IFITM10: variants seen among roughly 807,000 people sequenced by gnomAD.
The protein encoded by IFITM10 is interferon induced transmembrane protein 10, also known as interferon-induced transmembrane protein 10.
In IFITM10, 17 loss-of-function variants were observed where a neutral mutation model predicts 19.0. That is an observed-to-expected ratio of 0.90 (90% CI 0.61 to 1.34). The LOEUF (loss-of-function observed/expected upper bound fraction) is 1.34. Among genes scored for constraint, IFITM10 ranks in the 40% most tolerant of loss-of-function variants. The pLI is 0.00. For missense variants in IFITM10, 306 were observed against 319.8 expected (o/e 0.96, Z 0.33); for synonymous variants, 148 against 147.2 (o/e 1.01, Z -0.04).
intron 2 of IFITM10, among the ~76,000 whole-genome samples, chr11:1,736,160 G>GGAAGGGAAGGA (rs1240979124): frequency 1.6e-4 from 25 of 152,218 alleles, no homozygotes; most frequent in African/African-American, 6.0e-4. Context: ...TCTAGGATGA[G>GGAAGGGAAGGA]GAAGGGAAGG....
intron 2 of IFITM10, among the ~76,000 whole-genome samples, chr11:1,738,380 C>T (rs886526682): frequency 2.0e-5 from 3 of 152,084 alleles, no homozygotes; most frequent in Admixed American, 2.0e-4. Context: ...GCTTTCCTGC[C>T]ATTGTGAAGT....
chr11:1,737,543 G>A (rs1017691487), intron 2 of IFITM10, among the ~76,000 whole-genome samples: 23 of 152,164 alleles, frequency 1.5e-4, no homozygotes, highest in Non-Finnish European at 2.5e-4. Context: ...TGACGACAGC[G>A]CTGCCTCCCA....
chr11:1,740,171 G>T (rs1163382382), intron 2 of IFITM10, among the ~76,000 whole-genome samples: 2 of 151,886 alleles, frequency 1.3e-5, no homozygotes, highest in East Asian at 3.9e-4. Flanking sequence ...GTGGTAGTGT[G>T]TACCTGTAAT....
At chr11:1,750,241 A>G (rs1286216972) in intron 1 of IFITM10, 118 bp downstream of exon 1, 1 of 1,518,288 alleles carries the variant, frequency 6.6e-7, no homozygotes, top group Non-Finnish European at 8.9e-7. Flanking sequence ...CTGATCTTCC[A>G]TCCCCATAAC....
At chr11:1,740,182 C>T (rs367579538) in intron 2 of IFITM10, among the ~76,000 whole-genome samples, 5 of 151,468 alleles carry the variant, frequency 3.3e-5, no homozygotes, top group African/African-American at 9.7e-5. Context: ...TACCTGTAAT[C>T]CCAGCTACTC....
At position 1,748,006 on chromosome 11, in the gene IFITM10, C is replaced by A; in HGVS notation, c.198G>T (p.Pro66=). The change falls in exon 2 of 3, where the codon CCG becomes CCT. Residue 66 remains proline, a synonymous_variant. Transcript: ENST00000340134. ...CGAAGCAGCCCTTGGGCGAACCTGCCGGGGGCCTCGGAATCCAGAAGGCCC... is the reference window on the plus strand; with the variant it reads ...CGAAGCAGCCCTTGGGCGAACCTGCAGGGGGCCTCGGAATCCAGAAGGCCC... ...LDGAFWIPRP[P]AGSPKGCFAC... The A allele has an allele frequency of 7.0e-7, 1 of 1,436,644 alleles. No individual in the cohort carries two copies. Among genetic ancestry groups the A allele is most frequent in the Non-Finnish European group, 9.1e-7 (1 of 1,097,610 alleles). The allele number at this position is 1,436,644 out of a possible 1,614,324, so 89.0% of individuals were successfully genotyped here.
rs3047260 is a variant in IFITM10, at chr11:1,745,922, AC to A, written c.537+1744del. 6 of 139,656 alleles carry A rather than the reference AC, an allele frequency of 4.3e-5. No individual in the cohort carries two copies. In the East Asian group the frequency reaches 6.5e-4, roughly 15 times the overall value. The allele number at this position is 139,656 out of a possible 1,614,324, so 8.7% of individuals were successfully genotyped here. A position where few individuals can be genotyped will look rare whatever the true frequency, so the allele number is the denominator to read the frequency against. On this transcript the variant is annotated intron_variant, in intron 2 of 2. Coordinates refer to ENST00000340134, the MANE Select transcript of IFITM10 (RefSeq NM_001170820.4). ...GTACATACAGACAGTACACAGGCAC[AC>A]CCCACACACACTTGTGCACACACAT... is the stretch of plus-strand genomic sequence containing the variant.
Position 1,748,002 on chromosome 11 carries a change from C to A in IFITM10, c.202G>T (p.Gly68Cys). 1 of 1,439,322 alleles carries A rather than the reference C, an allele frequency of 6.9e-7. No individual in the cohort carries two copies. 89.2% of individuals were successfully genotyped at this position (1,439,322 alleles called of 1,614,324 possible). Residue 68 changes from glycine (G) to cysteine (C), a missense_variant, in exon 2 of 3, where the codon GGT (glycine) becomes TGT (cysteine). By Grantham distance (159) the Gly-to-Cys change is radical. Coordinates refer to ENST00000340134, the MANE Select transcript of IFITM10 (RefSeq NM_001170820.4). ...CAAGCGAAGCAGCCCTTGGGCGAAC[C>A]TGCCGGGGGCCTCGGAATCCAGAAG... ...GAFWIPRPPA[G>C]SPKGCFACVS...
In IFITM10 at chr11:1,732,798, A is replaced by T. The variant is rs1352319938; in HGVS notation, c.*2482T>A. On this transcript the variant is annotated 3_prime_UTR_variant, in exon 3 of 3. Transcript: ENST00000340134. ...GGAAGGTGACCGTTCCATTTCCCCA[A>T]CATGAACTCAGAAAGCTTCAGCCAG... The T allele has an allele frequency of 6.6e-6, 1 of 152,182 alleles. No homozygotes were observed. Among genetic ancestry groups the T allele is most frequent in the Non-Finnish European group, 1.5e-5 (1 of 68,026 alleles). The allele number at this position is 152,182 out of a possible 1,614,324, so 9.4% of individuals were successfully genotyped here. A position where few individuals can be genotyped will look rare whatever the true frequency, so the allele number is the denominator to read the frequency against.
At chr11:1,750,193 CCACCACATCCTCACTCT>C (rs1420256212) in intron 1 of IFITM10, 149 bp downstream of exon 1, 2 of 750,760 alleles carry the variant, frequency 2.7e-6, no homozygotes, top group Admixed American at 6.3e-5. Flanking sequence ...CTCCGCTACC[CCACCACATCCTCACTCT>C]CACGGTATGC....
At position 1,750,398 on chromosome 11, in the gene IFITM10, C is replaced by T; in HGVS notation, c.45G>A (p.Arg15=). 1 of 1,550,512 alleles carries T rather than the reference C, an allele frequency of 6.4e-7. No individual in the cohort carries two copies. Among genetic ancestry groups the T allele is most frequent in the South Asian group, 1.2e-5 (1 of 84,060 alleles). ...GAGCCTCGACCCTCTCCAAAGTCCC[C>T]CGGAAGCTGAGGATGCATGGCGGCC... The part of the protein sequence containing the change: ...KRGPPCILSF[R]GTLERVEAQW... The change falls in exon 1 of 3, where the codon CGG becomes CGA. Residue 15 remains arginine (R), a synonymous_variant. Coordinates refer to ENST00000340134, the MANE Select transcript of IFITM10 (RefSeq NM_001170820.4).
chr11:1,750,033 G>A (rs1222803639), intron 1 of IFITM10, among the ~76,000 whole-genome samples: 2 of 152,066 alleles, frequency 1.3e-5, no homozygotes, highest in African/African-American at 4.8e-5. Context: ...GGCTGCTAAG[G>A]ACACTTGTCT....
In IFITM10 at chr11:1,748,456, A is replaced by G. The variant is rs566670556; in HGVS notation, c.85-337T>C. ...GTTGCAAAACACAGAGTGCCCCAGCACCCCAAACAACCCCGCACACACGGG... is the reference window on the plus strand; with the variant it reads ...GTTGCAAAACACAGAGTGCCCCAGCGCCCCAAACAACCCCGCACACACGGG... On this transcript the variant is annotated intron_variant, in intron 1 of 2. Coordinates refer to ENST00000340134, the MANE Select transcript of IFITM10 (RefSeq NM_001170820.4). The G allele has an allele frequency of 5.7e-5, 17 of 296,390 alleles. No individual in the cohort carries two copies. The Admixed American group carries it at 7.3e-4, about 13-fold the overall frequency. The allele number at this position is 296,390 out of a possible 1,614,324, so 18.4% of individuals were successfully genotyped here.
intron 2 of IFITM10, among the ~76,000 whole-genome samples, chr11:1,741,544 A>G (rs149719071): frequency 6.6e-6 from 1 of 152,072 alleles, no homozygotes; most frequent in African/African-American, 2.4e-5. Flanking sequence ...CTGATGATGA[A>G]TTGAGGGCTA....
At chr11:1,741,414 G>A (rs1328737391) in intron 2 of IFITM10, among the ~76,000 whole-genome samples, 1 of 151,970 alleles carries the variant, frequency 6.6e-6, no homozygotes, top group Admixed American at 6.6e-5. Flanking sequence ...GGGCAGGGGA[G>A]ATGGATGGTG....
chr11:1,747,710 T>C lies in IFITM10; in HGVS notation c.494A>G (p.Asn165Ser), dbSNP rs1255279558. Residue 165 changes from asparagine to serine, a missense_variant, in exon 2 of 3, where the codon AAC becomes AGC. Asn to Ser is a conservative substitution (Grantham distance 46, BLOSUM62 1). Coordinates refer to ENST00000340134, the MANE Select transcript of IFITM10 (RefSeq NM_001170820.4). ...LWSIFNFVYL[N>S]FCCLGFIALA... ...GGCGATGAAGCCCAGGCAGCAGAAG[T>C]TGAGGTAGACGAAGTTGAAGATGGA... 3.9e-6 allele frequency: 6 copies of C among 1,551,756 alleles called. No individual in the cohort carries two copies. The highest frequency in any genetic ancestry group is 2.4e-5 in the East Asian group (1 of 40,920).
At chr11:1,745,664 C>G (rs1259341124) in intron 2 of IFITM10, 3 of 152,422 alleles carry the variant, frequency 2.0e-5, no homozygotes, top group Admixed American at 1.3e-4. Flanking sequence ...ATGAACCACA[C>G]ACGTGTGATT....
At position 1,747,742 on chromosome 11, in the gene IFITM10, G is replaced by C; in HGVS notation, c.462C>G (p.Tyr154Ter). The change falls in exon 2 of 3, where the codon TAC becomes TAG. Residue 154 changes from tyrosine to a stop codon, truncating the protein, a stop_gained. Coordinates refer to ENST00000340134, the MANE Select transcript of IFITM10 (RefSeq NM_001170820.4). LOFTEE classifies it high-confidence loss of function. ...AGACGAAGTTGAAGATGGACCACAG[G>C]TAATAGTCGTTCACCTCGGTGGTGT... ...YPDTTEVNDY[Y>*]LWSIFNFVYL... 1 of 1,551,828 alleles carries C rather than the reference G, an allele frequency of 6.4e-7. No individual in the cohort carries two copies.
At position 1,735,265 on chromosome 11, in the gene IFITM10, C is replaced by T. The variant is rs749019702; in HGVS notation, c.*15G>A. The stretch of plus-strand genomic sequence containing the variant: ...CTCAGTGCTTGTCTCCGCCAGCAGC[C>T]GTGCCTGGCGGGCCTTAGTAGTCGG... On this transcript the variant is annotated 3_prime_UTR_variant, in exon 3 of 3. Coordinates refer to ENST00000340134, the MANE Select transcript of IFITM10 (RefSeq NM_001170820.4). 21 of 1,550,854 alleles carry T rather than the reference C, an allele frequency of 1.4e-5. No individual in the cohort carries two copies. The highest frequency in any genetic ancestry group is 1.1e-4 in the African/African-American group (8 of 73,140).
Sources: gnomAD v4.1 joint callset for allele counts (sites outside exome capture counted in the v4.1 genomes callset) on GRCh38, gnomAD v4.1.1 for gene constraint, MANE v1.5 for transcripts, NCBI Gene and HGNC (gene_info 2026-07-23, HGNC 2026-07-21) for gene names.